DNM3: variants seen among roughly 807,000 people sequenced by gnomAD.
DNM3 encodes dynamin-3.
DNM3 carries 47 observed loss-of-function variants against 101.6 expected under a neutral mutation model. The ratio of observed to expected loss-of-function variants is 0.46; its 90% confidence interval spans 0.37 to 0.59. The LOEUF is 0.59. Ranked by LOEUF, DNM3 falls within the 20% of genes least tolerant of loss-of-function variation. The pLI is 0.00. For synonymous variants in DNM3, 385 were observed against 387.9 expected, an observed-to-expected ratio of 0.99 and a Z score of 0.09; for missense variants, 849 against 1,085.7, an observed-to-expected ratio of 0.78 and a Z score of 3.06.
At chr1:172,087,859 T>A (rs2053640169) in intron 12 of DNM3, among the ~76,000 whole-genome samples, 1 of 152,222 alleles carries the variant, frequency 6.6e-6, no homozygotes, top group Non-Finnish European at 1.5e-5. Context: ...AATCTGTATC[T>A]TGTTTACCTC....
intron 1 of DNM3, among the ~76,000 whole-genome samples, chr1:171,907,214 G>A (rs12028585): frequency 0.17 from 25,500 of 152,150 alleles, 2,458 homozygotes; most frequent in East Asian, 0.48. Context: ...AAGTCAGGCC[G>A]GGCGCAGTGG....
At chr1:172,031,033 C>T (rs2048565290) in intron 4 of DNM3, among the ~76,000 whole-genome samples, 1 of 152,136 alleles carries the variant, frequency 6.6e-6, no homozygotes, top group Admixed American at 6.5e-5. Context: ...ACCATTTGAT[C>T]TAGCAATTCC....
chr1:171,848,284 C>T (rs1017414694), intron 1 of DNM3, among the ~76,000 whole-genome samples: 3 of 152,098 alleles, frequency 2.0e-5, no homozygotes, highest in African/African-American at 7.2e-5. Flanking sequence ...TGATAGTTGA[C>T]CAGCAGTGAC....
At chr1:172,116,289 C>T (rs973775443) in intron 13 of DNM3, among the ~76,000 whole-genome samples, 1 of 152,200 alleles carries the variant, frequency 6.6e-6, no homozygotes, top group Admixed American at 6.5e-5. Context: ...GTCTTTTTCA[C>T]ACACATATGA....
chr1:171,949,761 A>G (rs542753413), intron 2 of DNM3, among the ~76,000 whole-genome samples: 1 of 152,240 alleles, frequency 6.6e-6, no homozygotes, highest in East Asian at 1.9e-4. Context: ...TCTAAAATTA[A>G]AAAGACTGAC....
chr1:172,322,519 G>A (rs1166026374), intron 16 of DNM3, among the ~76,000 whole-genome samples: 1 of 152,148 alleles, frequency 6.6e-6, no homozygotes, highest in African/African-American at 2.4e-5. Flanking sequence ...TGCAGCTCAG[G>A]GTTGAAACAG....
rs138375343 is a variant in DNM3 at position 171,985,816 on chromosome 1, C to G, written c.236-1840C>G. Among the ~76,000 whole-genome samples the G allele has an allele frequency of 3.3e-3, 499 of 152,172 alleles. 2 individuals are homozygous for G. Among genetic ancestry groups the G allele is most frequent in the Non-Finnish European group, 4.6e-3 (314 of 68,002 alleles). ...CCAGCCAGAGTGGCTGGGGTTGGTA[C>G]TGGGAAATCTTTGCCACCAGAGGGC... On this transcript the variant is annotated intron_variant, in intron 2 of 20. Transcript: ENST00000627582.
chr1:172,307,906 G>T (rs1447407062), intron 15 of DNM3, among the ~76,000 whole-genome samples: 1 of 152,042 alleles, frequency 6.6e-6, no homozygotes, highest in Non-Finnish European at 1.5e-5. Flanking sequence ...AGCATGAGGA[G>T]AAATACCTAA....
At chr1:171,944,150 A>C (rs1274580511) in intron 2 of DNM3, among the ~76,000 whole-genome samples, 1 of 152,084 alleles carries the variant, frequency 6.6e-6, no homozygotes, top group Non-Finnish European at 1.5e-5. Flanking sequence ...GCTTTGTTCC[A>C]ATAAACTTAA....
intron 14 of DNM3, among the ~76,000 whole-genome samples, chr1:172,249,306 A>G (rs1163821557): frequency 6.6e-6 from 1 of 152,046 alleles, no homozygotes; most frequent in East Asian, 1.9e-4. Flanking sequence ...TCATCCCATA[A>G]TTCCCACCTT....
chr1:172,395,572 A>G (rs6700575), intron 20 of DNM3, among the ~76,000 whole-genome samples: 39,158 of 152,178 alleles, frequency 0.26, 7,338 homozygotes, highest in African/African-American at 0.53. Context: ...ACTCAGAAAC[A>G]TGCCTTAAAT....
Position 172,388,789 on chromosome 1 carries a change from G to A in DNM3, c.2502G>A (p.Arg834=), listed in dbSNP as rs938276387. ...APPQVPSRPT[R]APPSVPSRRP... is the part of the protein sequence containing the mutation. ...CACAAGTTCCATCTAGGCCTACGAGGGCCCCGCCCAGTGTCCCAAGGTAAG... is the reference window on the plus strand; with the variant it reads ...CACAAGTTCCATCTAGGCCTACGAGAGCCCCGCCCAGTGTCCCAAGGTAAG... The change falls in exon 20 of 21, where the codon AGG becomes AGA. Residue 834 remains arginine (R), a synonymous_variant. Transcript: ENST00000627582. 1.3e-6 allele frequency: 2 copies of A among 1,590,326 alleles called. No individual in the cohort carries two copies. The highest frequency in any genetic ancestry group is 3.5e-5 in the Admixed American group (2 of 56,506).
intron 17 of DNM3, among the ~76,000 whole-genome samples, chr1:172,359,385 C>T (rs1365508119): frequency 1.3e-5 from 2 of 151,810 alleles, no homozygotes; most frequent in African/African-American, 2.4e-5. Context: ...GTTTTCTCTA[C>T]TGTAAGATAG....
chr1:171,875,365 T>C (rs898735484), intron 1 of DNM3, among the ~76,000 whole-genome samples: 3 of 152,220 alleles, frequency 2.0e-5, no homozygotes, highest in African/African-American at 4.8e-5. Context: ...TATTACTTTG[T>C]CTGAATTGTT....
rs143533652 is a variant in DNM3 at position 172,046,418 on chromosome 1, G to C, written c.1196+1966G>C. ...TGGGGACTGTTGTTGGGTGGGAGTA[G>C]GGGGGAGGGATAGCATTAGGAGATA... On this transcript the variant is annotated intron_variant, in intron 9 of 20. Transcript: ENST00000627582. Among the ~76,000 whole-genome samples, 221 of 152,194 alleles carry C rather than the reference G, an allele frequency of 1.5e-3. 2 individuals carry two copies. The highest frequency in any genetic ancestry group is 5.1e-3 in the African/African-American group (213 of 41,522).
chr1:172,384,520 CAGTA>C (rs2069087833), intron 18 of DNM3, among the ~76,000 whole-genome samples: 1 of 152,156 alleles, frequency 6.6e-6, no homozygotes, highest in Admixed American at 6.5e-5. Context: ...TGCCCAAGAA[CAGTA>C]AGTGTTAGAA....
At chr1:172,066,209 G>A (rs1469123615) in intron 10 of DNM3, among the ~76,000 whole-genome samples, 1 of 149,186 alleles carries the variant, frequency 6.7e-6, no homozygotes, top group South Asian at 2.1e-4. Context: ...CTCTGTGTGT[G>A]TGTGCATGTG....
intron 20 of DNM3, chr1:172,400,017 C>T (rs2070345726): frequency 6.6e-6 from 1 of 152,022 alleles, no homozygotes; most frequent in African/African-American, 2.4e-5. Context: ...TTGAAAGGTT[C>T]TTGCTCCCTC....
At chr1:172,039,014 C>T (rs967546072) in intron 7 of DNM3, among the ~76,000 whole-genome samples, 1 of 151,392 alleles carries the variant, frequency 6.6e-6, no homozygotes, top group African/African-American at 2.4e-5. Flanking sequence ...AGCATCTTTT[C>T]ACCCCTTCAT....
Sources: allele counts gnomAD v4.1 joint callset (sites outside exome capture counted in the v4.1 genomes callset), GRCh38; gene constraint gnomAD v4.1.1; transcripts MANE v1.5; gene names NCBI Gene and HGNC (gene_info 2026-07-23, HGNC 2026-07-21).